MYH11: variants seen among roughly 807,000 people sequenced by gnomAD.
MYH11 encodes the protein myosin heavy chain 11.
A neutral mutation model predicts 246.6 loss-of-function variants in MYH11; 80 were observed. That is an observed-to-expected ratio of 0.32 (90% CI 0.27 to 0.39). The LOEUF is 0.39. MYH11 is among the 10% of genes least tolerant of loss of function. MYH11 has a pLI of 1.00. For synonymous variants in MYH11, 1,071 were observed against 1,015.5 expected (o/e 1.05, Z -1.04); for missense variants, 2,158 against 2,546.8 (o/e 0.85, Z 3.29).
At chr16:15,827,286 T>C (rs192498038) in intron 2 of MYH11, among the ~76,000 whole-genome samples, 1 of 152,120 alleles carries the variant, frequency 6.6e-6, no homozygotes, top group East Asian at 1.9e-4. Context: ...TAACCCACAT[T>C]GGGGGTGGTC....
chr16:15,745,298 CCCTGCCCTGCAGCATCCTGAA>C, intron 19 of MYH11, 61 bp from the exon 20 acceptor site: 1 of 1,226,358 alleles, frequency 8.2e-7, no homozygotes, highest in Non-Finnish European at 1.2e-6. Flanking sequence ...GTCAACAGAG[CCCTGCCCTGCAGCATCCTGAA>C]CCTGCACAGG....
intron 1 of MYH11, among the ~76,000 whole-genome samples, chr16:15,843,659 C>T (rs1352100859): frequency 2.7e-5 from 4 of 149,770 alleles, no homozygotes; most frequent in East Asian, 1.9e-4. Context: ...GGAGATGCGC[C>T]GCTGCACTCC....
At chr16:15,835,997 G>T (rs1596932406) in intron 2 of MYH11, among the ~76,000 whole-genome samples, 1 of 152,218 alleles carries the variant, frequency 6.6e-6, no homozygotes, top group African/African-American at 2.4e-5. Flanking sequence ...TGAGCCACCT[G>T]CCTCAGTTTC....
intron 35 of MYH11, 38 bp downstream of exon 35, chr16:15,719,547 C>G: frequency 6.2e-7 from 1 of 1,613,000 alleles, no homozygotes; most frequent in African/African-American, 1.3e-5. Flanking sequence ...TACCGTGACA[C>G]CCGCATCTGA....
intron 28 of MYH11, 163 bp downstream of exon 28, chr16:15,726,685 T>C (rs1596737654): frequency 1.2e-6 from 1 of 847,326 alleles, no homozygotes; most frequent in Non-Finnish European, 1.9e-6. Context: ...TTTTTTAATA[T>C]TTAATTGAAC....
chr16:15,758,309 G>C (rs1230185104), intron 12 of MYH11, among the ~76,000 whole-genome samples: 2 of 152,192 alleles, frequency 1.3e-5, no homozygotes, highest in Admixed American at 6.5e-5. Flanking sequence ...ACATTTTACA[G>C]ATGTGAAAAC....
intron 19 of MYH11, among the ~76,000 whole-genome samples, chr16:15,747,342 T>C (rs1263342370): frequency 6.6e-6 from 1 of 152,102 alleles, no homozygotes; most frequent in East Asian, 1.9e-4. Flanking sequence ...CAGCAAAAAC[T>C]GGGGCATCCA....
chr16:15,716,529 T>A (rs1401703092), intron 38 of MYH11, among the ~76,000 whole-genome samples: 1 of 148,930 alleles, frequency 6.7e-6, no homozygotes, highest in Non-Finnish European at 1.5e-5. Context: ...TTTTTGTGTG[T>A]GTGTATGTGT....
At position 15,771,584 on chromosome 16, in the gene MYH11, C is replaced by T. The variant is rs145768331; in HGVS notation, c.1018G>A (p.Glu340Lys). The T allele has an allele frequency of 1.2e-5, 19 of 1,613,800 alleles. No homozygotes were observed. The South Asian group carries it at 1.2e-4, about 10-fold the overall frequency. ...VEAMAIMGFS[E>K]EEQLSILKVV... ...TGAGGCTTACATAGCTGCTCCTCCTCGCTGAAACCCATGATTGCCATGGCC... is the reference window on the plus strand; with the variant it reads ...TGAGGCTTACATAGCTGCTCCTCCTTGCTGAAACCCATGATTGCCATGGCC... Residue 340 changes from glutamate (E) to lysine (K), a missense_variant, in exon 9 of 41, where the codon GAG becomes AAG. Transcript: ENST00000300036.
At position 15,812,280 on chromosome 16, in the gene MYH11, A is replaced by G. The variant is rs148767170; in HGVS notation, c.502+10975T>C. 2.9e-3 allele frequency among the ~76,000 whole-genome samples: 437 copies of G among 152,246 alleles called. 1 individual carries two copies. The highest frequency in any genetic ancestry group is 7.4e-3 in the African/African-American group (308 of 41,544). On this transcript the variant is annotated intron_variant, in intron 3 of 40. Transcript: ENST00000300036. ...TTCCCAGCTGTAAAAGGGAGCTAAT[A>G]ATAGCTCTTGCGGCTAGCGTTGGAT...
intron 4 of MYH11, 75 bp downstream of exon 4, chr16:15,798,585 T>C (rs551460119): frequency 1.2e-5 from 17 of 1,397,082 alleles, no homozygotes; most frequent in Non-Finnish European, 1.5e-5. Flanking sequence ...TTTTCTTTCA[T>C]AGGTTGGATC....
intron 3 of MYH11, among the ~76,000 whole-genome samples, chr16:15,809,866 G>A (rs766996045): frequency 5.4e-5 from 8 of 149,444 alleles, no homozygotes; most frequent in Non-Finnish European, 1.0e-4. Flanking sequence ...AGGCTCAGGT[G>A]AGCCGAGATC....
Position 15,712,882 on chromosome 16 carries a change from G to GTTTTTTTTTTTTGTTTTTTT in MYH11, c.5786+2026_5786+2027insAAAAAAACAAAAAAAAAAAA, listed in dbSNP as rs2039890011. 2.5e-4 allele frequency: 23 copies of GTTTTTTTTTTTTGTTTTTTT among 90,632 alleles called. 1 individual carries two copies. The highest frequency in any genetic ancestry group is 9.9e-4 in the African/African-American group (22 of 22,252). 5.6% of individuals were successfully genotyped at this position (90,632 alleles called of 1,614,324 possible). On this transcript the variant is annotated intron_variant, in intron 40 of 40. Coordinates refer to ENST00000300036, the MANE Select transcript of MYH11 (RefSeq NM_002474.3). ...GGGAACCAGCAACTCTTCACATACA[G>GTTTTTTTTTTTTGTTTTTTT]TTTTTTTTTTTTTGAGACCGAGTCT... is the stretch of plus-strand genomic sequence containing the variant.
intron 2 of MYH11, 48 bp from the exon 3 acceptor site, chr16:15,823,459 C>A (rs761287190): frequency 1.2e-6 from 2 of 1,609,954 alleles, no homozygotes; most frequent in Non-Finnish European, 8.5e-7. Flanking sequence ...CCAGGGTAGA[C>A]AGATTGCACA....
chr16:15,721,310 G>T (rs774281109), intron 32 of MYH11, 112 bp downstream of exon 32: 3 of 1,273,658 alleles, frequency 2.4e-6, no homozygotes, highest in Admixed American at 3.7e-5. Flanking sequence ...TTCCATTTCC[G>T]ATGATAGTTC....
chr16:15,851,139 G>A (rs577493697), intron 1 of MYH11, among the ~76,000 whole-genome samples: 118 of 152,204 alleles, frequency 7.8e-4, no homozygotes, highest in African/African-American at 2.0e-3. Context: ...AACACAATTC[G>A]CCAGCTGGAA....
chr16:15,755,984 G>C (rs1323859938), intron 14 of MYH11, among the ~76,000 whole-genome samples: 2 of 152,198 alleles, frequency 1.3e-5, no homozygotes, highest in Admixed American at 1.3e-4. Context: ...TGTAGTCCCA[G>C]CTACTTGGGA....
chr16:15,752,639 G>A (rs999546365), intron 15 of MYH11, among the ~76,000 whole-genome samples: 8 of 152,212 alleles, frequency 5.3e-5, no homozygotes, highest in Non-Finnish European at 1.0e-4. Flanking sequence ...AGCACTTTTT[G>A]AGGCTGAGGT....
chr16:15,751,609 C>CTTTT (rs34772774), intron 15 of MYH11, among the ~76,000 whole-genome samples: 17 of 116,350 alleles, frequency 1.5e-4, no homozygotes, highest in East Asian at 2.8e-4. Context: ...GTGTAACAAT[C>CTTTT]TTTTTTTTTT....
Sources: allele counts gnomAD v4.1 joint callset (sites outside exome capture counted in the v4.1 genomes callset), GRCh38; gene constraint gnomAD v4.1.1; transcripts MANE v1.5; gene names NCBI Gene and HGNC (gene_info 2026-07-23, HGNC 2026-07-21).